The following TRIM71 variants were observed in gnomAD, a reference collection of about 807,000 sequenced individuals.
The protein encoded by TRIM71 is tripartite motif containing 71.
A neutral mutation model predicts 61.2 loss-of-function variants in TRIM71; 9 were observed. The ratio of observed to expected loss-of-function variants is 0.15; its 90% confidence interval spans 0.09 to 0.26. The LOEUF (loss-of-function observed/expected upper bound fraction) is 0.26. Ranked by LOEUF, TRIM71 falls within the 10% of genes least tolerant of loss-of-function variation. The pLI is 1.00. For synonymous variants in TRIM71, 645 were observed against 553.2 expected (o/e 1.17, Z -2.33); for missense variants, 998 against 1,238.7 (o/e 0.81, Z 2.92).
intron 1 of TRIM71, among the ~76,000 whole-genome samples, chr3:32,835,829 C>A (rs901797431): frequency 2.3e-5 from 3 of 133,146 alleles, no homozygotes; most frequent in Non-Finnish European, 4.7e-5. Flanking sequence ...AAAATGTACC[C>A]CGTCCCACTT....
chr3:32,874,282 T>C (rs1696829530), intron 2 of TRIM71, among the ~76,000 whole-genome samples: 1 of 152,102 alleles, frequency 6.6e-6, no homozygotes, highest in Non-Finnish European at 1.5e-5. Context: ...ACATTGGCAC[T>C]TTCCAGCCAG....
At chr3:32,855,597 T>C (rs1696591688) in intron 1 of TRIM71, among the ~76,000 whole-genome samples, 1 of 152,136 alleles carries the variant, frequency 6.6e-6, no homozygotes, top group Non-Finnish European at 1.5e-5. Context: ...GCCTGTCGGT[T>C]CTCTGGAAAG....
At chr3:32,847,500 A>G (rs1696489523) in intron 1 of TRIM71, among the ~76,000 whole-genome samples, 1 of 152,132 alleles carries the variant, frequency 6.6e-6, no homozygotes, top group African/African-American at 2.4e-5. Flanking sequence ...CAGCCAGGGT[A>G]GTGCTGTTTT....
intron 2 of TRIM71, among the ~76,000 whole-genome samples, chr3:32,877,650 G>A (rs1276663029): frequency 1.3e-5 from 2 of 152,104 alleles, no homozygotes; most frequent in African/African-American, 2.4e-5. Context: ...CAGCTACCTT[G>A]CCCAGCCTGA....
chr3:32,877,087 A>G (rs188634785), intron 2 of TRIM71, among the ~76,000 whole-genome samples: 27 of 151,982 alleles, frequency 1.8e-4, no homozygotes, highest in Non-Finnish European at 3.4e-4. Flanking sequence ...TTTCCTAGAA[A>G]GTTTTTGTTT....
At chr3:32,869,358 C>G (rs1315055042) in intron 1 of TRIM71, among the ~76,000 whole-genome samples, 1 of 152,236 alleles carries the variant, frequency 6.6e-6, no homozygotes, top group African/African-American at 2.4e-5. Context: ...TTAGTTGAGA[C>G]ATTTCGATGA....
chr3:32,877,567 C>T (rs1696864032), intron 2 of TRIM71, among the ~76,000 whole-genome samples: 1 of 152,038 alleles, frequency 6.6e-6, no homozygotes, highest in South Asian at 2.1e-4. Flanking sequence ...GTTGTCTAGG[C>T]TGATCTCACT....
At chr3:32,878,767 G>A (rs1484760635) in intron 2 of TRIM71, among the ~76,000 whole-genome samples, 1 of 152,220 alleles carries the variant, frequency 6.6e-6, no homozygotes, top group Non-Finnish European at 1.5e-5. Flanking sequence ...GGGTTGTCAG[G>A]ATGGACAATG....
intron 1 of TRIM71, 41 bp from the exon 2 acceptor site, chr3:32,873,777 C>G: frequency 6.9e-7 from 1 of 1,443,714 alleles, no homozygotes; most frequent in Non-Finnish European, 9.2e-7. Context: ...CTCCTCCCGT[C>G]CTGCATCTCC....
intron 1 of TRIM71, among the ~76,000 whole-genome samples, chr3:32,869,060 T>G (rs1696770242): frequency 6.6e-6 from 1 of 152,222 alleles, no homozygotes; most frequent in African/African-American, 2.4e-5. Flanking sequence ...TTTTACCTCC[T>G]TGAACTTGGC....
intron 1 of TRIM71, among the ~76,000 whole-genome samples, chr3:32,845,233 T>C (rs1217447825): frequency 6.6e-6 from 1 of 152,242 alleles, no homozygotes; most frequent in East Asian, 1.9e-4. Flanking sequence ...TTTGTGGCTG[T>C]GTCTCCCAGA....
At chr3:32,844,989 A>G (rs1696456073) in intron 1 of TRIM71, among the ~76,000 whole-genome samples, 1 of 152,226 alleles carries the variant, frequency 6.6e-6, no homozygotes, top group African/African-American at 2.4e-5. Flanking sequence ...AAGTTGTTTC[A>G]TGTGGGACTC....
At chr3:32,848,552 C>T (rs1426627168) in intron 1 of TRIM71, among the ~76,000 whole-genome samples, 1 of 152,168 alleles carries the variant, frequency 6.6e-6, no homozygotes, top group Non-Finnish European at 1.5e-5. Flanking sequence ...CTCTTTATCT[C>T]ATATTTCTTA....
At chr3:32,855,160 T>G (rs1380081611) in intron 1 of TRIM71, among the ~76,000 whole-genome samples, 3 of 152,222 alleles carry the variant, frequency 2.0e-5, no homozygotes, top group Non-Finnish European at 4.4e-5. Flanking sequence ...CTTTCAGGCA[T>G]CCACTGGGGG....
At position 32,892,081 on chromosome 3, in the gene TRIM71, C is replaced by T. The variant is rs1697033111; in HGVS notation, c.*270C>T. The stretch of plus-strand genomic sequence containing the variant: ...TTTCTATCTACCTCATAAATCTTTA[C>T]ATTTCCTTCTGCAACAGGCCCTCTT... On this transcript the variant is annotated 3_prime_UTR_variant, in exon 4 of 4. Transcript: ENST00000383763. 2.6e-6 allele frequency: 1 copy of T among 386,396 alleles called. No individual in the cohort carries two copies. Among genetic ancestry groups the T allele is most frequent in the Admixed American group, 4.6e-5 (1 of 21,692 alleles). The allele number at this position is 386,396 out of a possible 1,614,324, so 23.9% of individuals were successfully genotyped here. A position where few individuals can be genotyped will look rare whatever the true frequency, so the allele number is the denominator to read the frequency against.
chr3:32,874,079 G>T (rs1453432927), intron 2 of TRIM71, 94 bp downstream of exon 2: 4 of 1,369,166 alleles, frequency 2.9e-6, no homozygotes, highest in African/African-American at 1.4e-5. Flanking sequence ...ATTCCAGTGT[G>T]GGGGGTGGAA....
chr3:32,833,184 T>TAAAAAAAAAAAAAAAAAAAAAAAAAAA lies in TRIM71; in HGVS notation c.852+14254_852+14280dup, dbSNP rs1182178339. 5.1e-4 allele frequency among the ~76,000 whole-genome samples: 28 copies of TAAAAAAAAAAAAAAAAAAAAAAAAAAA among 54,428 alleles called. 1 individual carries two copies. Among genetic ancestry groups the TAAAAAAAAAAAAAAAAAAAAAAAAAAA allele is most frequent in the Admixed American group, 7.9e-4 (3 of 3,788 alleles). The allele number at this position is 54,428 out of a possible 152,430, so 35.7% of individuals were successfully genotyped here. ...GGTGACAAGAATGAAACTCTGTCTT[T>TAAAAAAAAAAAAAAAAAAAAAAAAAAA]AAAAAAAAAAAAAAAAAAAAAAAAA... On this transcript the variant is annotated intron_variant, in intron 1 of 3. Coordinates refer to ENST00000383763, the MANE Select transcript of TRIM71 (RefSeq NM_001039111.3).
chr3:32,852,767 A>AC lies in TRIM71; in HGVS notation c.853-21051_853-21050insC, dbSNP rs1314484033. ...ATTTGTATACTGTCTTTTAAAAAAA[A>AC]AAAAAAACAAAAACAAACTTTATCT... On this transcript the variant is annotated intron_variant, in intron 1 of 3. Coordinates refer to ENST00000383763, the MANE Select transcript of TRIM71 (RefSeq NM_001039111.3). Among the ~76,000 whole-genome samples the AC allele has an allele frequency of 4.3e-5, 6 of 140,096 alleles. No individual in the cohort carries two copies. In the East Asian group the frequency reaches 5.8e-4, roughly 14 times the overall value. 91.9% of individuals were successfully genotyped at this position (140,096 alleles called of 152,430 possible). A position where few individuals can be genotyped will look rare whatever the true frequency, so the allele number is the denominator to read the frequency against.
At chr3:32,867,727 G>T (rs1447040092) in intron 1 of TRIM71, among the ~76,000 whole-genome samples, 2 of 151,850 alleles carry the variant, frequency 1.3e-5, no homozygotes, top group African/African-American at 4.8e-5. Context: ...ATTTTTTTGT[G>T]GTGAGAACAC....
Sources: gnomAD v4.1 joint callset for allele counts (sites outside exome capture counted in the v4.1 genomes callset) on GRCh38, gnomAD v4.1.1 for gene constraint, MANE v1.5 for transcripts, NCBI Gene and HGNC (gene_info 2026-07-23, HGNC 2026-07-21) for gene names.